Variants in MTUS2 observed in about 807,000 individuals in gnomAD.
The protein encoded by MTUS2 is microtubule-associated tumor suppressor candidate 2.
MTUS2 carries 40 observed loss-of-function variants against 114.1 expected under a neutral mutation model. That is an observed-to-expected ratio of 0.35 (90% confidence interval 0.27 to 0.46). The LOEUF is 0.46. Ranked by LOEUF, MTUS2 falls within the 20% of genes least tolerant of loss-of-function variation. MTUS2 has a pLI of 1.00. For synonymous variants in MTUS2, 688 were observed against 672.0 expected (o/e 1.02, Z -0.37); for missense variants, 1,679 against 1,705.4 (o/e 0.98, Z 0.27).
intron 4 of MTUS2, among the ~76,000 whole-genome samples, chr13:29,060,611 G>A (rs1340137009): frequency 2.0e-5 from 2 of 100,230 alleles, no homozygotes. Flanking sequence ...CTTTTAATCT[G>A]TTTGTATTTT....
intron 8 of MTUS2, among the ~76,000 whole-genome samples, chr13:29,432,632 C>T (rs1356345886): frequency 6.6e-6 from 1 of 152,180 alleles, no homozygotes; most frequent in East Asian, 1.9e-4. Flanking sequence ...CCCATATCCC[C>T]GCTCCCCTGA....
intron 6 of MTUS2, among the ~76,000 whole-genome samples, chr13:29,299,714 G>A (rs940923755): frequency 6.6e-6 from 1 of 152,150 alleles, no homozygotes; most frequent in Non-Finnish European, 1.5e-5. Context: ...TGTAAAGCTA[G>A]AGGTTTCTCA....
At chr13:29,078,483 T>C (rs887570266) in intron 4 of MTUS2, among the ~76,000 whole-genome samples, 4 of 152,216 alleles carry the variant, frequency 2.6e-5, no homozygotes, top group African/African-American at 9.6e-5. Context: ...ATAACAGCTT[T>C]GTTGAGATAT....
intron 5 of MTUS2, among the ~76,000 whole-genome samples, chr13:29,165,443 A>AT (rs1398293983): frequency 6.6e-6 from 1 of 152,128 alleles, no homozygotes; most frequent in Non-Finnish European, 1.5e-5. Context: ...CTTGACCTCT[A>AT]TGTAGCCCAT....
At chr13:29,350,450 G>A (rs1869132855) in intron 7 of MTUS2, among the ~76,000 whole-genome samples, 1 of 147,070 alleles carries the variant, frequency 6.8e-6, no homozygotes, top group African/African-American at 2.5e-5. Context: ...CAGTAATGGT[G>A]TGTTGAATCC....
chr13:28,949,826 G>GAT (rs144155770), intron 2 of MTUS2, among the ~76,000 whole-genome samples: 9,516 of 152,214 alleles, frequency 0.063, 981 homozygotes, highest in African/African-American at 0.22. Context: ...CCACTGTAAA[G>GAT]ATATACCACA....
At chr13:29,464,757 T>C (rs901027225) in intron 9 of MTUS2, among the ~76,000 whole-genome samples, 1 of 151,852 alleles carries the variant, frequency 6.6e-6, no homozygotes, top group Non-Finnish European at 1.5e-5. Flanking sequence ...AGAAGCACTG[T>C]CTGCTTACAG....
chr13:29,452,903 TA>T (rs1400487148), intron 9 of MTUS2, among the ~76,000 whole-genome samples: 3 of 152,248 alleles, frequency 2.0e-5, no homozygotes, highest in Non-Finnish European at 4.4e-5. Context: ...TCCATAAATC[TA>T]ATATTTAAAT....
At chr13:28,946,311 G>GCA (rs139195433) in intron 2 of MTUS2, among the ~76,000 whole-genome samples, 8,075 of 150,018 alleles carry the variant, frequency 0.054, 679 homozygotes, top group African/African-American at 0.18. Flanking sequence ...GTGTGCGCGC[G>GCA]CACATACCTG....
intron 6 of MTUS2, among the ~76,000 whole-genome samples, chr13:29,303,177 G>A (rs1405267097): frequency 6.6e-6 from 1 of 152,224 alleles, no homozygotes; most frequent in Non-Finnish European, 1.5e-5. Flanking sequence ...ATCAAAGGTA[G>A]ATAAGCCCAC....
chr13:29,449,621 A>G (rs2138729084), intron 9 of MTUS2, among the ~76,000 whole-genome samples: 1 of 152,262 alleles, frequency 6.6e-6, no homozygotes, highest in African/African-American at 2.4e-5. Context: ...TCCCACATAC[A>G]GTATCTAAGT....
chr13:28,918,352 G>T (rs1252215032), intron 2 of MTUS2, among the ~76,000 whole-genome samples: 2 of 151,878 alleles, frequency 1.3e-5, no homozygotes, highest in Non-Finnish European at 2.9e-5. Context: ...ATATCTGGGT[G>T]CTCTATCACT....
chr13:29,383,474 C>T (rs1247862492), intron 8 of MTUS2, among the ~76,000 whole-genome samples: 1 of 152,074 alleles, frequency 6.6e-6, no homozygotes, highest in African/African-American at 2.4e-5. Flanking sequence ...CTAGCGAAGG[C>T]AGGGACGTGT....
chr13:28,907,229 C>T (rs1343871745), intron 2 of MTUS2, among the ~76,000 whole-genome samples: 1 of 151,494 alleles, frequency 6.6e-6, no homozygotes, highest in Non-Finnish European at 1.5e-5. Context: ...ACCAGGCCTG[C>T]CCTAAAAGAG....
intron 5 of MTUS2, among the ~76,000 whole-genome samples, chr13:29,226,036 G>A (rs1896094986): frequency 6.6e-6 from 1 of 152,100 alleles, no homozygotes; most frequent in African/African-American, 2.4e-5. Flanking sequence ...TTAAATTTTG[G>A]TTAGTGCTGG....
intron 3 of MTUS2, among the ~76,000 whole-genome samples, chr13:29,028,893 A>G (rs888325112): frequency 6.6e-6 from 1 of 152,200 alleles, no homozygotes; most frequent in African/African-American, 2.4e-5. Context: ...ACAAAAGTGT[A>G]CCAAGGGTTT....
intron 14 of MTUS2, among the ~76,000 whole-genome samples, chr13:29,500,794 C>A (rs895471326): frequency 1.9e-4 from 6 of 31,046 alleles, no homozygotes; most frequent in African/African-American, 1.1e-3. Flanking sequence ...ACATCAGAAA[C>A]ACACACACAC....
intron 2 of MTUS2, among the ~76,000 whole-genome samples, chr13:28,846,393 G>C (rs1362755180): frequency 1.3e-5 from 2 of 152,106 alleles, no homozygotes; most frequent in Non-Finnish European, 2.9e-5. Context: ...AGTTCTAAGA[G>C]GCATTTCAGT....
chr13:29,408,419 G>A (rs999954823), intron 8 of MTUS2, among the ~76,000 whole-genome samples: 3 of 152,130 alleles, frequency 2.0e-5, no homozygotes, highest in Admixed American at 1.3e-4. Flanking sequence ...GGGCTCAAGC[G>A]ATCCTCCCAC....
Sources: allele counts gnomAD v4.1 joint callset (sites outside exome capture counted in the v4.1 genomes callset), GRCh38; gene constraint gnomAD v4.1.1; transcripts MANE v1.5; gene names NCBI Gene and HGNC (gene_info 2026-07-23, HGNC 2026-07-21).